The following EEFSEC variants were observed in gnomAD, a reference collection of about 807,000 sequenced individuals.
The protein encoded by EEFSEC is eukaryotic elongation factor, selenocysteine-tRNA specific.
EEFSEC carries 43 observed loss-of-function variants against 42.1 expected under a neutral mutation model. The observed-to-expected ratio is 1.02, with a 90% CI of 0.80 to 1.32. The LOEUF (loss-of-function observed/expected upper bound fraction) is 1.32, where lower values mean the gene tolerates loss of function less well. EEFSEC is among the 40% of genes most tolerant of loss of function. The probability of loss-of-function intolerance (pLI) is 0.00; values close to 1 mark genes in which losing one functional copy is unlikely to be tolerated. For synonymous variants in EEFSEC, 354 were observed against 339.1 expected (o/e 1.04, Z -0.48); for missense variants, 745 against 803.6 (o/e 0.93, Z 0.88).
intron 6 of EEFSEC, among the ~76,000 whole-genome samples, chr3:128,389,111 G>A (rs759392315): frequency 3.6e-4 from 55 of 152,232 alleles, no homozygotes; most frequent in South Asian, 6.2e-4. Context: ...TCCTGTGGCC[G>A]GAGCCATGGG....
chr3:128,312,769 G>A (rs975707723), intron 4 of EEFSEC, among the ~76,000 whole-genome samples: 12 of 152,200 alleles, frequency 7.9e-5, no homozygotes, highest in Admixed American at 2.6e-4. Flanking sequence ...GAGGGAGAAG[G>A]CCCTCTGCAA....
At chr3:128,187,521 A>C (rs1199500308) in intron 1 of EEFSEC, among the ~76,000 whole-genome samples, 1 of 152,218 alleles carries the variant, frequency 6.6e-6, no homozygotes, top group African/African-American at 2.4e-5. Flanking sequence ...GAATGTGTTC[A>C]CTTGGTGAAG....
At chr3:128,296,398 T>G (rs1284261438) in intron 4 of EEFSEC, among the ~76,000 whole-genome samples, 1 of 152,088 alleles carries the variant, frequency 6.6e-6, no homozygotes, top group Non-Finnish European at 1.5e-5. Context: ...TAAGCCTTTC[T>G]TGTCTCCTCT....
Position 128,317,320 on chromosome 3 carries a change from C to T in EEFSEC, c.787-23913C>T, listed in dbSNP as rs2108030604. Among the ~76,000 whole-genome samples the T allele has an allele frequency of 6.6e-6, 1 of 152,314 alleles. No individual in the cohort carries two copies. Among genetic ancestry groups the T allele is most frequent in the South Asian group, 2.1e-4 (1 of 4,824 alleles). ...CGGTGTGCTCACATGCAGTGCGTCC[C>T]CAGACTTGTAAGCCTGGCCTGTTCT... is the stretch of plus-strand genomic sequence containing the variant. On this transcript the variant is annotated intron_variant, in intron 4 of 6. Coordinates refer to ENST00000254730, the MANE Select transcript of EEFSEC (RefSeq NM_021937.5). This position sits in a 1 kb window ranked among gnomAD's most constrained non-coding sequence, Gnocchi z 4.1.
chr3:128,358,493 C>A, intron 6 of EEFSEC, 120 bp downstream of exon 6: 10 of 1,432,704 alleles, frequency 7.0e-6, no homozygotes, highest in Non-Finnish European at 9.4e-6. Context: ...TGCCGAGACA[C>A]GGGGTGACTT....
downstream of EEFSEC, among the ~76,000 whole-genome samples, chr3:128,409,030 A>G (rs958146397): frequency 2.6e-5 from 4 of 152,140 alleles, no homozygotes; most frequent in African/African-American, 9.7e-5. Context: ...TACTTCCCAG[A>G]AAGTGGAGGC....
intron 6 of EEFSEC, among the ~76,000 whole-genome samples, chr3:128,366,269 G>A (rs2067589251): frequency 6.6e-6 from 1 of 152,250 alleles, no homozygotes; most frequent in South Asian, 2.1e-4. Flanking sequence ...CTGGTGACCA[G>A]AAGGAATGGA....
chr3:128,408,081 C>T lies in EEFSEC; in HGVS notation c.1613C>T (p.Pro538Leu). The change falls in exon 7 of 7, where the codon CCC becomes CTC. Residue 538 changes from proline to leucine, a missense_variant. Pro to Leu is a moderately conservative substitution (Grantham distance 98, BLOSUM62 -3). Coordinates refer to ENST00000254730, the MANE Select transcript of EEFSEC (RefSeq NM_021937.5). The stretch of plus-strand genomic sequence containing the variant: ...CTGTGCCTTGCAGGTGGCCTCAGCC[C>T]CGAGTCCAAGAAGATCCTGACACCC... The part of the protein sequence containing the change: ...FKIHIPGGLS[P>L]ESKKILTPAL... The T allele has an allele frequency of 6.3e-7, 1 of 1,580,238 alleles. No individual in the cohort carries two copies. Among genetic ancestry groups the T allele is most frequent in the Non-Finnish European group, 8.6e-7 (1 of 1,163,428 alleles).
At chr3:128,399,939 CCAGGGCAAGTCATTG>C (rs1310901157) in intron 6 of EEFSEC, among the ~76,000 whole-genome samples, 1 of 152,188 alleles carries the variant, frequency 6.6e-6, no homozygotes, top group African/African-American at 2.4e-5. Flanking sequence ...TGCCAGGAAG[CCAGGGCAAGTCATTG>C]CAGCTCCATG....
chr3:128,304,139 G>GT (rs942847907), intron 4 of EEFSEC, among the ~76,000 whole-genome samples: 1 of 141,064 alleles, frequency 7.1e-6, no homozygotes, highest in Non-Finnish European at 1.5e-5. Flanking sequence ...TTCTCCTTTT[G>GT]TTTTTTCTGA....
intron 1 of EEFSEC, among the ~76,000 whole-genome samples, chr3:128,206,378 A>G (rs1006329157): frequency 2.6e-5 from 4 of 152,190 alleles, no homozygotes; most frequent in African/African-American, 9.6e-5. Flanking sequence ...CCTTGTTTTT[A>G]TCAGGCGCGT....
At chr3:128,219,093 G>A (rs563161372) in intron 1 of EEFSEC, among the ~76,000 whole-genome samples, 1 of 152,324 alleles carries the variant, frequency 6.6e-6, no homozygotes, top group African/African-American at 2.4e-5. Context: ...GGATGCCTCT[G>A]CTCGGACTTT....
chr3:128,418,418 C>A, the EEFSEC span, among the ~76,000 whole-genome samples: 1 of 152,094 alleles, frequency 6.6e-6, no homozygotes, highest in Non-Finnish European at 1.5e-5. Flanking sequence ...CCTGCCCCCA[C>A]CACCCCATGC....
At chr3:128,368,806 T>C (rs1300723503) in intron 6 of EEFSEC, among the ~76,000 whole-genome samples, 2 of 152,298 alleles carry the variant, frequency 1.3e-5, no homozygotes, top group Admixed American at 1.3e-4. Flanking sequence ...GCCAGCCCCT[T>C]CCCTCATCTG....
intron 6 of EEFSEC, among the ~76,000 whole-genome samples, chr3:128,402,543 C>T (rs557439290): frequency 6.6e-6 from 1 of 152,216 alleles, no homozygotes; most frequent in East Asian, 1.9e-4. Flanking sequence ...TGTAAATAGC[C>T]GTGTGACCTT....
chr3:128,377,755 A>G (rs2067726668), intron 6 of EEFSEC, among the ~76,000 whole-genome samples: 1 of 152,248 alleles, frequency 6.6e-6, no homozygotes, highest in African/African-American at 2.4e-5. Flanking sequence ...TGAAAACATC[A>G]CAGACATTTA....
At chr3:128,399,423 G>A (rs2068022873) in intron 6 of EEFSEC, among the ~76,000 whole-genome samples, 1 of 152,250 alleles carries the variant, frequency 6.6e-6, no homozygotes, top group Non-Finnish European at 1.5e-5. Flanking sequence ...AGGCTCCTGC[G>A]AAGGGCCCGC....
At chr3:128,325,728 A>G (rs772438371) in intron 4 of EEFSEC, among the ~76,000 whole-genome samples, 8 of 152,238 alleles carry the variant, frequency 5.3e-5, no homozygotes, top group African/African-American at 1.2e-4. Flanking sequence ...CCCCTTAACT[A>G]TAGTTAAGAC....
intron 3 of EEFSEC, 39 bp from the exon 4 acceptor site, chr3:128,264,578 C>T (rs2066332214): frequency 1.2e-6 from 2 of 1,603,912 alleles, no homozygotes; most frequent in Admixed American, 1.7e-5. Flanking sequence ...CATCTGGCTC[C>T]TCTCCCCACG....
Sources: gnomAD v4.1 joint callset for allele counts (sites outside exome capture counted in the v4.1 genomes callset) on GRCh38, gnomAD v4.1.1 for gene constraint, Gnocchi (gnomAD v3.1) non-coding constraint, MANE v1.5 for transcripts, NCBI Gene and HGNC (gene_info 2026-07-23, HGNC 2026-07-21) for gene names.